PDS5B: variants seen among roughly 807,000 people sequenced by gnomAD.
The protein encoded by PDS5B is sister chromatid cohesion protein PDS5 homolog B.
PDS5B carries 51 observed loss-of-function variants against 184.1 expected under a neutral mutation model. That is an observed-to-expected ratio of 0.28 (90% CI 0.22 to 0.35). The LOEUF is 0.35. PDS5B is among the 10% of genes least tolerant of loss of function. PDS5B has a pLI of 1.00. For missense variants in PDS5B, 1,180 were observed against 1,723.3 expected (o/e 0.68, Z 5.58); for synonymous variants, 566 against 569.2 (o/e 0.99, Z 0.08).
At position 32,681,580 on chromosome 13, in the gene PDS5B, C is replaced by G. The variant is rs115883880; in HGVS notation, c.1058-2298C>G. Among the ~76,000 whole-genome samples, 928 of 151,476 alleles carry G rather than the reference C, an allele frequency of 6.1e-3. 17 individuals carry two copies. Among genetic ancestry groups the G allele is most frequent in the African/African-American group, 0.022 (897 of 41,298 alleles). On this transcript the variant is annotated intron_variant, in intron 10 of 34. Coordinates refer to ENST00000315596, the MANE Select transcript of PDS5B (RefSeq NM_015032.4). ...CAGAGGTTGCAGTAAGCCGAGAGATCGCGCCACTGCACCCCAGCCTGGGCG... is the reference window on the plus strand; with the variant it reads ...CAGAGGTTGCAGTAAGCCGAGAGATGGCGCCACTGCACCCCAGCCTGGGCG...
At position 32,739,759 on chromosome 13, in the gene PDS5B, ATATTT is replaced by A. The variant is rs1251885176; in HGVS notation, c.2407-1315_2407-1311del. Among the ~76,000 whole-genome samples the A allele has an allele frequency of 2.7e-5, 4 of 146,654 alleles. No homozygotes were observed. In the East Asian group the frequency reaches 6.3e-4, roughly 23 times the overall value. ...AGTTGTGTAAATGTTCATGAATTTT[ATATTT>A]TATTTGGTGTTGTAAGATAAAATAT... On this transcript the variant is annotated intron_variant, in intron 21 of 34. Transcript: ENST00000315596.
intron 7 of PDS5B, among the ~76,000 whole-genome samples, chr13:32,672,363 TTGAG>T (rs1412836834): frequency 6.6e-6 from 1 of 152,068 alleles, no homozygotes; most frequent in Admixed American, 6.6e-5. Flanking sequence ...ACAGCCAATA[TTGAG>T]TGAGTGTATG....
intron 1 of PDS5B, among the ~76,000 whole-genome samples, chr13:32,592,775 G>A (rs2057797270): frequency 6.6e-6 from 1 of 152,048 alleles, no homozygotes; most frequent in Admixed American, 6.6e-5. Context: ...CTTGATAAGT[G>A]GGGTCCCTTT....
At position 32,745,449 on chromosome 13, in the gene PDS5B, T is replaced by C. The variant is rs556730246; in HGVS notation, c.2613-528T>C. 1.5e-4 allele frequency among the ~76,000 whole-genome samples: 23 copies of C among 152,376 alleles called. No homozygotes were observed. The South Asian group carries it at 4.8e-3, about 32-fold the overall frequency. ...TATGTTTAAAAGAAGAATTTTGTAGTATTAGACAACATCTTCCAAAGTTAA... is the reference window on the plus strand; with the variant it reads ...TATGTTTAAAAGAAGAATTTTGTAGCATTAGACAACATCTTCCAAAGTTAA... On this transcript the variant is annotated intron_variant, in intron 23 of 34. Transcript: ENST00000315596.
At chr13:32,727,548 T>C (rs761981957) in intron 19 of PDS5B, among the ~76,000 whole-genome samples, 1 of 152,106 alleles carries the variant, frequency 6.6e-6, no homozygotes, top group Middle Eastern at 3.2e-3. Context: ...TTTTCCCTCA[T>C]TTTTAAAAGA....
intron 1 of PDS5B, among the ~76,000 whole-genome samples, chr13:32,611,685 T>A (rs1199623071): frequency 6.6e-6 from 1 of 151,852 alleles, no homozygotes. Flanking sequence ...GTTTTTGTAT[T>A]TTTTGTAGAT....
At position 32,754,544 on chromosome 13, in the gene PDS5B, A is replaced by C. The variant is rs146795534; in HGVS notation, c.2941+1008A>C. 4.1e-3 allele frequency among the ~76,000 whole-genome samples: 624 copies of C among 152,132 alleles called. 5 individuals are homozygous for C. The highest frequency in any genetic ancestry group is 0.014 in the African/African-American group (581 of 41,522). ...GTTGACACCTTTTGAATGCTTTAAA[A>C]TACAGTTTTGGGGTTACCACATCAC... On this transcript the variant is annotated intron_variant, in intron 25 of 34. Transcript: ENST00000315596.
intron 11 of PDS5B, among the ~76,000 whole-genome samples, chr13:32,686,925 T>G (rs1211543761): frequency 6.6e-6 from 1 of 152,176 alleles, no homozygotes; most frequent in Non-Finnish European, 1.5e-5. Flanking sequence ...CACATGTTGA[T>G]TTTTCTCCCA....
At chr13:32,738,062 A>AT (rs1403935478) in intron 21 of PDS5B, among the ~76,000 whole-genome samples, 5 of 152,172 alleles carry the variant, frequency 3.3e-5, no homozygotes, top group Non-Finnish European at 1.5e-5. Context: ...ACTGTGGTTC[A>AT]TTCATTTGTT....
intron 1 of PDS5B, among the ~76,000 whole-genome samples, chr13:32,619,891 TG>T (rs2058271719): frequency 6.6e-6 from 1 of 152,210 alleles, no homozygotes; most frequent in Admixed American, 6.5e-5. Flanking sequence ...CTTTGCCTCC[TG>T]GGTTCAAGTG....
At chr13:32,604,228 T>G (rs1453226177) in intron 1 of PDS5B, among the ~76,000 whole-genome samples, 1 of 152,220 alleles carries the variant, frequency 6.6e-6, no homozygotes, top group African/African-American at 2.4e-5. Context: ...TAAATAGCTC[T>G]TCTTATTGTG....
intron 1 of PDS5B, among the ~76,000 whole-genome samples, chr13:32,641,972 G>C (rs1040999376): frequency 1.3e-5 from 2 of 152,112 alleles, no homozygotes; most frequent in African/African-American, 4.8e-5. Flanking sequence ...CTAGTACTTA[G>C]TGTATTGCAC....
At chr13:32,627,543 CTT>C (rs977338618) in intron 1 of PDS5B, among the ~76,000 whole-genome samples, 1 of 151,756 alleles carries the variant, frequency 6.6e-6, no homozygotes, top group Non-Finnish European at 1.5e-5. Context: ...AAAGAAATAT[CTT>C]TTTTCTAGCA....
intron 1 of PDS5B, among the ~76,000 whole-genome samples, chr13:32,619,588 AAC>A (rs1486506069): frequency 6.6e-6 from 1 of 152,318 alleles, no homozygotes; most frequent in East Asian, 1.9e-4. Context: ...AGATTTTATA[AAC>A]ACTGTACAAT....
At chr13:32,700,065 A>C (rs139993534) in intron 16 of PDS5B, among the ~76,000 whole-genome samples, 196 bp downstream of exon 16, 1 of 152,192 alleles carries the variant, frequency 6.6e-6, no homozygotes, top group Non-Finnish European at 1.5e-5. Flanking sequence ...GATATTATAC[A>C]TACAGTTTTG....
At position 32,742,587 on chromosome 13, in the gene PDS5B, A is replaced by G. The variant is rs557670714; in HGVS notation, c.2476-4A>G. 90 of 1,606,516 alleles carry G rather than the reference A, an allele frequency of 5.6e-5. 1 individual carries two copies. The South Asian group carries it at 9.8e-4, about 18-fold the overall frequency. On this transcript the variant is annotated splice_polypyrimidine_tract_variant and splice_region_variant and intron_variant, in intron 22 of 34. Coordinates refer to ENST00000315596, the MANE Select transcript of PDS5B (RefSeq NM_015032.4). ...TTTTATTTGTCGACTTGTCTCTTAAATAGATTCAGGCTATTAAAATGATGG... is the reference window on the plus strand; with the variant it reads ...TTTTATTTGTCGACTTGTCTCTTAAGTAGATTCAGGCTATTAAAATGATGG...
At chr13:32,641,822 C>G (rs1950098135) in intron 1 of PDS5B, among the ~76,000 whole-genome samples, 1 of 152,104 alleles carries the variant, frequency 6.6e-6, no homozygotes, top group South Asian at 2.1e-4. Flanking sequence ...TTTTCTAGAA[C>G]TTTAGATGTA....
intron 3 of PDS5B, among the ~76,000 whole-genome samples, chr13:32,657,881 T>C (rs1236349907): frequency 6.6e-6 from 1 of 152,170 alleles, no homozygotes; most frequent in African/African-American, 2.4e-5. Flanking sequence ...ATTTTACTGT[T>C]CCAGGAAACC....
chr13:32,767,410 A>G (rs993803004), intron 31 of PDS5B, among the ~76,000 whole-genome samples: 1 of 152,186 alleles, frequency 6.6e-6, no homozygotes, highest in South Asian at 2.1e-4. Flanking sequence ...ATGTTTGACC[A>G]ATTGTTATTT....
Sources: gnomAD v4.1 joint callset for allele counts (sites outside exome capture counted in the v4.1 genomes callset) on GRCh38, gnomAD v4.1.1 for gene constraint, MANE v1.5 for transcripts, NCBI Gene and HGNC (gene_info 2026-07-23, HGNC 2026-07-21) for gene names.